Variants in TTN observed in about 807,000 individuals in gnomAD.
The protein encoded by TTN is connectin.
A neutral mutation model predicts 3,223.0 loss-of-function variants in TTN; 1,525 were observed. The observed-to-expected ratio is 0.47, with a 90% CI of 0.45 to 0.49. TTN has a LOEUF of 0.49. Among genes scored for constraint, TTN ranks in the 20% least tolerant of loss-of-function variants. The probability of loss-of-function intolerance (pLI) is 0.00; values close to 1 mark genes in which losing one functional copy is unlikely to be tolerated. For missense variants in TTN, 40,786 were observed against 43,424.0 expected, an observed-to-expected ratio of 0.94 and a Z score of 5.40; for synonymous variants, 14,094 against 15,161.0, an observed-to-expected ratio of 0.93 and a Z score of 5.17.
In TTN at chr2:178,802,363, C is replaced by T. The variant is rs3816849; in HGVS notation, c.92-22G>A. 924,550 of 1,606,774 alleles carry T rather than the reference C, an allele frequency of 0.58. 271,930 individuals are homozygous for T. The highest frequency in any genetic ancestry group is 0.86 in the East Asian group (38,501 of 44,614). ...AAACCTGAAGAGCAAGAACAATTCA[C>T]CTTTATGTTTGAATGGGCACCACAA... On this transcript the variant is annotated intron_variant, in intron 2 of 362. Transcript: ENST00000589042.
chr2:178,790,264 A>G, intron 11 of TTN, 149 bp from the exon 12 acceptor site: 1 of 858,066 alleles, frequency 1.2e-6, no homozygotes, highest in Non-Finnish European at 1.7e-6. Flanking sequence ...AGTTACTTTG[A>G]TCATCCATAC....
Position 178,649,577 on chromosome 2 carries a change from T to G in TTN, c.39950A>C (p.Lys13317Thr). ...ACCTTTAGCTGCTGGTGTTTCTGGC[T>G]TCTTAACAGTTGGGACCTTCTTCAC... is the stretch of plus-strand genomic sequence containing the variant. ...VPVKKVPTVK[K>T]PETPAAKVPE... is the part of the protein sequence containing the mutation. Residue 13317 changes from lysine (K) to threonine (T), a missense_variant, in exon 212 of 363, where the codon AAG (lysine) becomes ACG (threonine). Lys to Thr is a moderately conservative substitution (Grantham distance 78, BLOSUM62 -1). Transcript: ENST00000589042. 1 of 1,550,080 alleles carries G rather than the reference T, an allele frequency of 6.5e-7. No individual in the cohort carries two copies.
In TTN at chr2:178,572,631, C is replaced by CAGTT. The variant is rs1708644295; in HGVS notation, c.73497_73500dup (p.Val24501AsnfsTer5). The CAGTT allele has an allele frequency of 6.2e-7, 1 of 1,613,082 alleles. No individual in the cohort carries two copies. The highest frequency in any genetic ancestry group is 8.5e-7 in the Non-Finnish European group (1 of 1,179,524). ...GACTTGCTGCCTGAACTATTTTCTA[C>CAGTT]AGTTAGTATATATTTGCCACTGTCA... On this transcript the variant is annotated frameshift_variant, in exon 326 of 363. Transcript: ENST00000589042. LOFTEE classifies it high-confidence loss of function.
At position 178,706,871 on chromosome 2, in the gene TTN, C is replaced by T. The variant is rs369339313; in HGVS notation, c.29125G>A (p.Val9709Ile). The stretch of plus-strand genomic sequence containing the variant: ...CATGAAGTGCACTTACTTTCTACGA[C>T]TCTGATACTCTGAGGTTCTGACACA... ...FFVSEPQSIR[V>I]VEKTTATFIA... Residue 9709 changes from valine (V) to isoleucine (I), a missense_variant, in exon 101 of 363, where the codon GTC becomes ATC. Val to Ile is a conservative substitution (Grantham distance 29, BLOSUM62 3). Transcript: ENST00000589042. The T allele has an allele frequency of 1.6e-5, 25 of 1,611,884 alleles. No individual in the cohort carries two copies. Among genetic ancestry groups the T allele is most frequent in the African/African-American group, 2.7e-5 (2 of 74,894 alleles).
chr2:178,631,140 A>T lies in TTN; in HGVS notation c.43908T>A (p.Asp14636Glu), dbSNP rs1469705451. Residue 14636 changes from aspartate (D) to glutamate (E), a missense_variant, in exon 237 of 363, where the codon GAT (aspartate) becomes GAA (glutamate). Asp to Glu is a conservative substitution (Grantham distance 45). Transcript: ENST00000589042. ...KPSKNAVIKADGKKRMLILKK... is the reference protein window; with the variant it reads ...KPSKNAVIKAEGKKRMLILKK... ...TTAGGATTAGCATGCGTTTCTTGCCATCTGCCTTAATAACAGCATTTTTGG... is the reference window on the plus strand; with the variant it reads ...TTAGGATTAGCATGCGTTTCTTGCCTTCTGCCTTAATAACAGCATTTTTGG... The T allele has an allele frequency of 2.5e-6, 4 of 1,613,340 alleles. No homozygotes were observed. In the East Asian group the frequency reaches 8.9e-5, roughly 36 times the overall value.
Position 178,734,473 on chromosome 2 carries a change from A to G in TTN, c.15351T>C (p.Ser5117=). 3 of 1,613,714 alleles carry G rather than the reference A, an allele frequency of 1.9e-6. No individual in the cohort carries two copies. The highest frequency in any genetic ancestry group is 2.5e-6 in the Non-Finnish European group (3 of 1,179,724). ...GAGAAAACAATCTGTATTTTTTACT[A>G]CTTCGAATTTGTTTCTTGTCTTTGA... ...SWFKDKKQIR[S]SKKYRLFSQK... Residue 5117 remains serine (S), a synonymous_variant, in exon 52 of 363, where the codon AGT becomes AGC. Coordinates refer to ENST00000589042, the MANE Select transcript of TTN (RefSeq NM_001267550.2).
intron 135 of TTN, 85 bp downstream of exon 135, chr2:178,682,612 T>G: frequency 7.6e-6 from 10 of 1,308,842 alleles, no homozygotes; most frequent in Non-Finnish European, 1.0e-5. Context: ...ATCCAAATTT[T>G]TATCTTGTTA....
rs1400495239 is a variant in TTN at position 178,556,773 on chromosome 2, A to T, written c.88306+75T>A. ...CACAGAGTAAAAGTTATTCTATAGG[A>T]TTAGAACCAGGAAAAGGTATGCGGA... On this transcript the variant is annotated intron_variant, in intron 330 of 362. Coordinates refer to ENST00000589042, the MANE Select transcript of TTN (RefSeq NM_001267550.2). The T allele has an allele frequency of 2.6e-6, 4 of 1,534,626 alleles. No homozygotes were observed. In the South Asian group the frequency reaches 4.6e-5, roughly 18 times the overall value.
Position 178,731,043 on chromosome 2 carries a change from A to G in TTN, c.17622T>C (p.Thr5874=), listed in dbSNP as rs559877209. 9.3e-6 allele frequency: 15 copies of G among 1,613,680 alleles called. No individual in the cohort carries two copies. The highest frequency in any genetic ancestry group is 1.3e-5 in the Non-Finnish European group (15 of 1,179,714). The change falls in exon 60 of 363, where the codon ACT becomes ACC. Residue 5874 remains threonine, a synonymous_variant. Transcript: ENST00000589042. The part of the protein sequence containing the change: ...TLGSKYKISV[T]DTVSILKIIS... ...TAATCTTCAGTATTGAGACTGTATC[A>G]GTGACACTGATTTTATATTTTGAGC...
Position 178,541,473 on chromosome 2 carries a change from A to G in TTN, c.97604T>C (p.Ile32535Thr), listed in dbSNP as rs2154141649. Residue 32535 changes from isoleucine (I) to threonine (T), a missense_variant, in exon 350 of 363, where the codon ATT (isoleucine) becomes ACT (threonine). Coordinates refer to ENST00000589042, the MANE Select transcript of TTN (RefSeq NM_001267550.2). ...DDGGSQVTGY[I>T]VERKEVRADR... ...TGCTCTCACTTCTTTGCGCTCCACA[A>G]TATATCCAGTCACTTGGGAGCCACC... is the stretch of plus-strand genomic sequence containing the variant. The G allele has an allele frequency of 1.2e-6, 2 of 1,613,496 alleles. No individual in the cohort carries two copies. Among genetic ancestry groups the G allele is most frequent in the South Asian group, 1.1e-5 (1 of 91,044 alleles).
At position 178,651,501 on chromosome 2, in the gene TTN, T is replaced by C; in HGVS notation, c.39499A>G (p.Lys13167Glu). ...EVPKEVVPEKKVPLVVPKKPE... is the reference protein window; with the variant it reads ...EVPKEVVPEKEVPLVVPKKPE... ...TTTTTGGGAACCACCAGAGGCACCTTCTTTTCAGGAACAACCTCCTTGGGC... is the reference window on the plus strand; with the variant it reads ...TTTTTGGGAACCACCAGAGGCACCTCCTTTTCAGGAACAACCTCCTTGGGC... Residue 13167 changes from lysine (K) to glutamate (E), a missense_variant, in exon 207 of 363, where the codon AAG becomes GAG. Lys to Glu is a moderately conservative substitution (Grantham distance 56, BLOSUM62 1). Coordinates refer to ENST00000589042, the MANE Select transcript of TTN (RefSeq NM_001267550.2). 2.5e-6 allele frequency: 4 copies of C among 1,613,054 alleles called. No homozygotes were observed. The South Asian group carries it at 4.4e-5, about 18-fold the overall frequency.
intron 239 of TTN, 46 bp downstream of exon 239, chr2:178,630,195 T>C: frequency 1.9e-6 from 3 of 1,608,618 alleles, no homozygotes; most frequent in Non-Finnish European, 2.5e-6. Flanking sequence ...ATTCATTTTC[T>C]GAAAAAGTGT....
In TTN at chr2:178,584,880, G is replaced by A. The variant is rs748386416; in HGVS notation, c.64761C>T (p.Asp21587=). 19 of 1,613,174 alleles carry A rather than the reference G, an allele frequency of 1.2e-5. No individual in the cohort carries two copies. Among genetic ancestry groups the A allele is most frequent in the Middle Eastern group, 3.3e-4 (2 of 6,074 alleles). The change falls in exon 310 of 363, where the codon GAC becomes GAT. Residue 21587 remains aspartate (D), a synonymous_variant. Coordinates refer to ENST00000589042, the MANE Select transcript of TTN (RefSeq NM_001267550.2). Reference sequence around the variant, plus strand: ...TATAATTGGTGATGTTACTGCCTCCGTCCTCCAGAGGGATGTGCCATGACA... The same window carrying A: ...TATAATTGGTGATGTTACTGCCTCCATCCTCCAGAGGGATGTGCCATGACA... ...CSLSWHIPLE[D]GGSNITNYIV...
chr2:178,773,949 T>C lies in TTN; in HGVS notation c.7219A>G (p.Lys2407Glu). ...PSDRVHIVID[K>E]QSHMLLIEDM... ...TCAATGAGCAGCATATGAGATTGTTTGTCTATCACAATGTGAACCCTGTCA... is the reference window on the plus strand; with the variant it reads ...TCAATGAGCAGCATATGAGATTGTTCGTCTATCACAATGTGAACCCTGTCA... The change falls in exon 31 of 363, where the codon AAA becomes GAA. Residue 2407 changes from lysine to glutamate, a missense_variant. Lys to Glu is a moderately conservative substitution (Grantham distance 56). Coordinates refer to ENST00000589042, the MANE Select transcript of TTN (RefSeq NM_001267550.2). The C allele has an allele frequency of 6.2e-7, 1 of 1,614,116 alleles. No individual in the cohort carries two copies. The highest frequency in any genetic ancestry group is 1.3e-5 in the African/African-American group (1 of 75,044).
At position 178,543,142 on chromosome 2, in the gene TTN, TATTCTA is replaced by T. The variant is rs1695451759; in HGVS notation, c.96825_96830del (p.Phe32275_Ile32277delinsLeu). 6.2e-7 allele frequency: 1 copy of T among 1,612,798 alleles called. No individual in the cohort carries two copies. Among genetic ancestry groups the T allele is most frequent in the Admixed American group, 1.7e-5 (1 of 59,994 alleles). ...ACACACCTTTCTCATTTTGTGCCCT[TATTCTA>T]AATAAGTATTGTTCACCTTCATTTA... is the stretch of plus-strand genomic sequence containing the variant. On this transcript the variant is annotated inframe_deletion, in exon 347 of 363. Transcript: ENST00000589042.
chr2:178,608,128 A>C (rs2055367476), intron 275 of TTN, 47 bp from the exon 276 acceptor site: 1 of 1,604,918 alleles, frequency 6.2e-7, no homozygotes. Flanking sequence ...ATGGTTTTAA[A>C]ATGTACAATA....
chr2:178,647,114 T>A lies in TTN; in HGVS notation c.40172A>T (p.Glu13391Val), dbSNP rs773208110. The change falls in exon 215 of 363, where the codon GAA (glutamate) becomes GTA (valine). Residue 13391 changes from glutamate (E) to valine (V), a missense_variant. Glu to Val is a moderately radical substitution (Grantham distance 121). Transcript: ENST00000589042. Reference protein sequence around the residue: ...VEETPEEIIYEEKASITIGRK... With the variant: ...VEETPEEIIYVEKASITIGRK... ...ACCAATGGTTATAGATGCTTTTTCT[T>A]CATATATTATTTCCTCAGGAGTCTC... 3 of 1,434,536 alleles carry A rather than the reference T, an allele frequency of 2.1e-6. No homozygotes were observed. The South Asian group carries it at 4.6e-5, about 22-fold the overall frequency. The allele number at this position is 1,434,536 out of a possible 1,614,324, so 88.9% of individuals were successfully genotyped here.
In TTN at chr2:178,733,375, T is replaced by C. The variant is rs2154311308; in HGVS notation, c.15918A>G (p.Lys5306=). The stretch of plus-strand genomic sequence containing the variant: ...CATTGTTTTTAAAACTTATTCGGTA[T>C]TTTTTACTGGCGACCAAGGGTCTCC... The part of the protein sequence containing the change: ...KDGRPLVASK[K]YRISFKNNVA... The change falls in exon 54 of 363, where the codon AAA becomes AAG. Residue 5306 remains lysine (K), a synonymous_variant. Coordinates refer to ENST00000589042, the MANE Select transcript of TTN (RefSeq NM_001267550.2). The C allele has an allele frequency of 6.2e-7, 1 of 1,613,838 alleles. No individual in the cohort carries two copies. Among genetic ancestry groups the C allele is most frequent in the Non-Finnish European group, 8.5e-7 (1 of 1,179,784 alleles).
chr2:178,686,113 ATTTTTTTT>A lies in TTN; in HGVS notation c.32312-523_32312-516del, dbSNP rs765570520. On this transcript the variant is annotated intron_variant, in intron 127 of 362. Transcript: ENST00000589042. ...TTGAGCCTAAGTGTATACAGTTTTA[ATTTTTTTT>A]TTTTTTTTTTTTTTTTTGAGACGGA... 1.8e-4 allele frequency among the ~76,000 whole-genome samples: 14 copies of A among 77,802 alleles called. 1 individual carries two copies. In the South Asian group the frequency reaches 2.2e-3, roughly 12 times the overall value. 51.0% of individuals were successfully genotyped at this position (77,802 alleles called of 152,430 possible). A position where few individuals can be genotyped will look rare whatever the true frequency, so the allele number is the denominator to read the frequency against.
Sources: allele counts gnomAD v4.1 joint callset (sites outside exome capture counted in the v4.1 genomes callset), GRCh38; gene constraint gnomAD v4.1.1; transcripts MANE v1.5; gene names NCBI Gene and HGNC (gene_info 2026-07-23, HGNC 2026-07-21).